The following ALK variants were observed in gnomAD, a reference collection of about 807,000 sequenced individuals.
ALK encodes the protein ALK tyrosine kinase receptor.
Under a neutral mutation model 163.1 loss-of-function variants are expected in ALK, and 74 were observed. The observed-to-expected ratio is 0.45, with a 90% CI of 0.38 to 0.55. The LOEUF is 0.55. ALK is among the 20% of genes least tolerant of loss of function. The pLI is 0.00. For missense variants in ALK, 2,063 were observed against 2,105.3 expected (o/e 0.98, Z 0.39); for synonymous variants, 960 against 843.2 (o/e 1.14, Z -2.40).
At chr2:29,234,850 C>T (rs1281381403) in intron 13 of ALK, among the ~76,000 whole-genome samples, 3 of 152,228 alleles carry the variant, frequency 2.0e-5, no homozygotes, top group Non-Finnish European at 4.4e-5. Flanking sequence ...GCAGCTGGGA[C>T]TACAGGTGCA....
intron 3 of ALK, among the ~76,000 whole-genome samples, chr2:29,628,317 T>A (rs1573510862): frequency 6.6e-6 from 1 of 152,242 alleles, no homozygotes. Flanking sequence ...AAATTTTCTA[T>A]ATAATCTTAA....
intron 1 of ALK, among the ~76,000 whole-genome samples, chr2:29,834,246 C>G (rs1380829484): frequency 6.6e-6 from 1 of 152,120 alleles, no homozygotes; most frequent in East Asian, 1.9e-4. Context: ...CCTGAGAGCT[C>G]TAATCACACA....
At chr2:29,682,661 T>A (rs1678111594) in intron 3 of ALK, among the ~76,000 whole-genome samples, 2 of 152,336 alleles carry the variant, frequency 1.3e-5, no homozygotes, top group Admixed American at 1.3e-4. Flanking sequence ...CAATATTGGA[T>A]ATAAGGGGAT....
chr2:29,204,788 C>T (rs1002390164), intron 26 of ALK, among the ~76,000 whole-genome samples: 1 of 152,186 alleles, frequency 6.6e-6, no homozygotes, highest in Non-Finnish European at 1.5e-5. Flanking sequence ...TGTGTTTCAC[C>T]ATGTTGGCAA....
At chr2:29,256,856 T>G (rs949080886) in intron 11 of ALK, among the ~76,000 whole-genome samples, 14 of 152,038 alleles carry the variant, frequency 9.2e-5, no homozygotes, top group Non-Finnish European at 1.5e-5. Context: ...GAGAAGGTGC[T>G]CAGGTTGAGG....
At chr2:29,863,818 C>G (rs1572448523) in intron 1 of ALK, among the ~76,000 whole-genome samples, 1 of 152,282 alleles carries the variant, frequency 6.6e-6, no homozygotes, top group African/African-American at 2.4e-5. Flanking sequence ...AAAGAGATAT[C>G]TGCACTCCCA....
chr2:29,674,658 A>C (rs1232883874), intron 3 of ALK, among the ~76,000 whole-genome samples: 34 of 151,672 alleles, frequency 2.2e-4, no homozygotes, highest in Admixed American at 5.3e-4. Flanking sequence ...TGTCTCTGCC[A>C]GGCTTTGGTA....
At chr2:29,589,010 TCAA>T (rs1674970799) in intron 3 of ALK, among the ~76,000 whole-genome samples, 1 of 152,134 alleles carries the variant, frequency 6.6e-6, no homozygotes, top group East Asian at 1.9e-4. Flanking sequence ...ATCATCATCA[TCAA>T]CAACATTTAC....
intron 3 of ALK, among the ~76,000 whole-genome samples, chr2:29,565,985 C>G (rs10180728): frequency 0.088 from 13,356 of 152,168 alleles, 1,028 homozygotes; most frequent in East Asian, 0.27. Context: ...CTTACTTCTT[C>G]GAGTGACTCT....
In ALK at chr2:29,698,112, T is replaced by C. The variant is rs373514619; in HGVS notation, c.788-3098A>G. Among the ~76,000 whole-genome samples, 118 of 152,318 alleles carry C rather than the reference T, an allele frequency of 7.7e-4. 1 individual carries two copies. In the South Asian group the frequency reaches 0.024, roughly 30 times the overall value. ...CTTGCCCTTTCACGATTCAGACAACTTGCCTTCATAGTGGCAAGCTGAAAT... is the reference window on the plus strand; with the variant it reads ...CTTGCCCTTTCACGATTCAGACAACCTGCCTTCATAGTGGCAAGCTGAAAT... On this transcript the variant is annotated intron_variant, in intron 2 of 28. Transcript: ENST00000389048.
chr2:29,387,750 T>C (rs1669067188), intron 4 of ALK, among the ~76,000 whole-genome samples: 1 of 152,320 alleles, frequency 6.6e-6, no homozygotes, highest in South Asian at 2.1e-4. Flanking sequence ...GAATGATTAA[T>C]CACAGAATCG....
intron 2 of ALK, among the ~76,000 whole-genome samples, chr2:29,708,243 A>G (rs1258261542): frequency 1.6e-4 from 24 of 152,028 alleles, no homozygotes; most frequent in Admixed American, 1.6e-3. Context: ...AATTTTTTGT[A>G]GTTTTAATAG....
intron 1 of ALK, among the ~76,000 whole-genome samples, chr2:29,720,526 G>A (rs1331525253): frequency 1.3e-5 from 2 of 152,154 alleles, no homozygotes; most frequent in Admixed American, 1.3e-4. Flanking sequence ...AGCTAATGTG[G>A]GGGTCAGCCA....
chr2:29,628,566 T>C (rs572351437), intron 3 of ALK, among the ~76,000 whole-genome samples: 8 of 152,330 alleles, frequency 5.3e-5, no homozygotes, highest in Non-Finnish European at 1.0e-4. Flanking sequence ...CATTTGTTAT[T>C]GCATAGCAAA....
chr2:29,210,830 A>T (rs1669445666), intron 24 of ALK, among the ~76,000 whole-genome samples: 1 of 152,182 alleles, frequency 6.6e-6, no homozygotes, highest in Admixed American at 6.5e-5. Context: ...GCTGTTGACT[A>T]TAGATGACCT....
chr2:29,633,367 T>C (rs2148238745), intron 3 of ALK, among the ~76,000 whole-genome samples: 1 of 152,156 alleles, frequency 6.6e-6, no homozygotes. Flanking sequence ...CTCAAGTAAA[T>C]TTAAAAAACA....
chr2:29,657,518 A>G (rs1677220580), intron 3 of ALK, among the ~76,000 whole-genome samples: 1 of 152,180 alleles, frequency 6.6e-6, no homozygotes, highest in Non-Finnish European at 1.5e-5. Context: ...TAAAGAAGCT[A>G]GGGAATTGGG....
intron 1 of ALK, among the ~76,000 whole-genome samples, chr2:29,726,040 T>C (rs1021192078): frequency 3.3e-5 from 5 of 152,170 alleles, no homozygotes; most frequent in African/African-American, 1.2e-4. Context: ...CCTACCTAAC[T>C]GGCCAAGGTG....
chr2:29,270,151 C>A (rs1490131861), intron 11 of ALK, among the ~76,000 whole-genome samples: 7 of 152,248 alleles, frequency 4.6e-5, no homozygotes, highest in Middle Eastern at 3.4e-3. Context: ...AAAGAGAGAT[C>A]CCTCTCGAAG....
Sources: allele counts gnomAD v4.1 joint callset (sites outside exome capture counted in the v4.1 genomes callset), GRCh38; gene constraint gnomAD v4.1.1; transcripts MANE v1.5; gene names NCBI Gene and HGNC (gene_info 2026-07-23, HGNC 2026-07-21).